Variants in ADAMTS18 observed in about 807,000 individuals in gnomAD.
ADAMTS18 encodes the protein ADAM metallopeptidase with thrombospondin type 1 motif 18.
ADAMTS18 carries 157 observed loss-of-function variants against 165.9 expected under a neutral mutation model. The observed-to-expected ratio is 0.95, with a 90% CI of 0.83 to 1.08. The LOEUF is 1.08. ADAMTS18 is among the 50% of genes least tolerant of loss of function. The pLI is 0.00. For missense variants in ADAMTS18, 2,040 were observed against 1,534.0 expected (o/e 1.33, Z -5.51); for synonymous variants, 782 against 578.2 (o/e 1.35, Z -5.06).
intron 12 of ADAMTS18, among the ~76,000 whole-genome samples, chr16:77,332,385 A>G (rs2056203367): frequency 6.6e-6 from 1 of 152,080 alleles, no homozygotes. Context: ...TGAGCTTGGG[A>G]TGAGGATGAT....
chr16:77,422,289 T>C (rs918595736), intron 3 of ADAMTS18, among the ~76,000 whole-genome samples: 2 of 151,848 alleles, frequency 1.3e-5, no homozygotes, highest in Admixed American at 1.3e-4. Flanking sequence ...TTATATAGGG[T>C]CCACCTGTGG....
Position 77,310,207 on chromosome 16 carries a change from G to T in ADAMTS18, c.2532+9642C>A, listed in dbSNP as rs921668618. Among the ~76,000 whole-genome samples the T allele has an allele frequency of 1.3e-5, 2 of 152,144 alleles. 1 individual carries two copies. The highest frequency in any genetic ancestry group is 2.9e-5 in the Non-Finnish European group (2 of 68,040). On this transcript the variant is annotated intron_variant, in intron 16 of 22. Coordinates refer to ENST00000282849, the MANE Select transcript of ADAMTS18 (RefSeq NM_199355.4). The stretch of plus-strand genomic sequence containing the variant: ...TTTCAATTTGAAAGAAGATTGCAAC[G>T]AATGAATTTTATCATTGGATGTTGT...
In ADAMTS18 at chr16:77,364,369, G is replaced by A. The variant is rs768889644; in HGVS notation, c.791C>T (p.Pro264Leu). ...CGRRKKYAPK[P>L]PTEDTYLRFD... ...CCTTAGATAGGTGTCCTCTGTGGGA[G>A]GCTTGGGAGCATCTACGATGAACAG... Residue 264 changes from proline (P) to leucine (L), a missense_variant, in exon 5 of 23, where the codon CCT becomes CTT. Physicochemically the swap from Pro to Leu is moderately conservative, Grantham distance 98 (BLOSUM62 -3). Transcript: ENST00000282849. 3.8e-5 allele frequency: 62 copies of A among 1,613,572 alleles called. No individual in the cohort carries two copies. The South Asian group carries it at 4.9e-4, about 13-fold the overall frequency.
chr16:77,326,070 G>A (rs770937194), intron 12 of ADAMTS18, 32 bp from the exon 13 acceptor site: 6 of 1,596,622 alleles, frequency 3.8e-6, no homozygotes, highest in Non-Finnish European at 4.3e-6. Flanking sequence ...TTTAATGTTA[G>A]TAATCAAAGG....
intron 3 of ADAMTS18, among the ~76,000 whole-genome samples, chr16:77,383,741 C>A (rs1022468329): frequency 6.6e-6 from 1 of 152,116 alleles, no homozygotes; most frequent in Admixed American, 6.5e-5. Context: ...TGGGGTTTCA[C>A]CATCTTGGTC....
intron 16 of ADAMTS18, among the ~76,000 whole-genome samples, chr16:77,313,295 C>G (rs920567445): frequency 1.1e-4 from 17 of 150,704 alleles, no homozygotes; most frequent in African/African-American, 3.9e-4. Context: ...GGCCTGTCGT[C>G]GGGTGGGGGC....
intron 3 of ADAMTS18, among the ~76,000 whole-genome samples, chr16:77,426,657 C>G (rs1483923320): frequency 1.3e-5 from 2 of 152,206 alleles, no homozygotes; most frequent in South Asian, 2.1e-4. Flanking sequence ...TAACATGCAT[C>G]TTGTTGGTAA....
rs1259966627 is a variant in ADAMTS18, at chr16:77,319,359, T to C, written c.2532+490A>G. 5.9e-5 allele frequency among the ~76,000 whole-genome samples: 9 copies of C among 152,192 alleles called. No homozygotes were observed. In the East Asian group the frequency reaches 1.7e-3, roughly 29 times the overall value. On this transcript the variant is annotated intron_variant, in intron 16 of 22. Coordinates refer to ENST00000282849, the MANE Select transcript of ADAMTS18 (RefSeq NM_199355.4). ...AATCAACCCATTCTCTTGGAGGCCA[T>C]TTGGGTTCCTGTCCTCTTCCCCCAA...
chr16:77,340,693 C>T (rs1567497175), intron 11 of ADAMTS18, among the ~76,000 whole-genome samples: 2 of 152,180 alleles, frequency 1.3e-5, no homozygotes, highest in Middle Eastern at 3.4e-3. Flanking sequence ...CGATCCTCCT[C>T]CTTCAACCTC....
intron 12 of ADAMTS18, among the ~76,000 whole-genome samples, chr16:77,331,392 AC>A (rs1358016102): frequency 1.3e-5 from 2 of 152,196 alleles, no homozygotes; most frequent in Non-Finnish European, 2.9e-5. Context: ...GATGATTTTA[AC>A]AACTCAACTT....
At chr16:77,359,474 A>G (rs950859193) in intron 7 of ADAMTS18, 51 bp from the exon 8 acceptor site, 1 of 1,463,826 alleles carries the variant, frequency 6.8e-7, no homozygotes, top group Admixed American at 1.8e-5. Flanking sequence ...ACACACAGAT[A>G]CATGATGATG....
intron 16 of ADAMTS18, among the ~76,000 whole-genome samples, chr16:77,303,616 T>C (rs1158930617): frequency 1.6e-5 from 2 of 128,664 alleles, no homozygotes; most frequent in African/African-American, 3.1e-5. Flanking sequence ...TCTTGTGACC[T>C]CCACGGTCAA....
At chr16:77,338,053 G>C (rs998314502) in intron 11 of ADAMTS18, among the ~76,000 whole-genome samples, 6 of 151,816 alleles carry the variant, frequency 4.0e-5, no homozygotes, top group Non-Finnish European at 7.4e-5. Flanking sequence ...ATAGGCGCCT[G>C]CCACTACACC....
chr16:77,418,162 C>T (rs1459154615), intron 3 of ADAMTS18, among the ~76,000 whole-genome samples: 1 of 152,164 alleles, frequency 6.6e-6, no homozygotes, highest in Admixed American at 6.5e-5. Context: ...GATGGGTTTT[C>T]TGCTGCCATC....
Position 77,431,475 on chromosome 16 carries a change from T to C in ADAMTS18, c.315A>G (p.Gly105=). The part of the protein sequence containing the change: ...SSLHYRFSAF[G]QELHLELKPS... The stretch of plus-strand genomic sequence containing the variant: ...GCTTAAGTTCTAAGTGCAGTTCCTG[T>C]CCAAATGCTGAAAATCGGTAGTGCA... The change falls in exon 3 of 23, where the codon GGA becomes GGG. Residue 105 remains glycine, a synonymous_variant. Coordinates refer to ENST00000282849, the MANE Select transcript of ADAMTS18 (RefSeq NM_199355.4). 1 of 1,614,212 alleles carries C rather than the reference T, an allele frequency of 6.2e-7. No homozygotes were observed. Among genetic ancestry groups the C allele is most frequent in the Non-Finnish European group, 8.5e-7 (1 of 1,180,036 alleles).
At chr16:77,416,880 T>A (rs1445340870) in intron 3 of ADAMTS18, among the ~76,000 whole-genome samples, 1 of 152,078 alleles carries the variant, frequency 6.6e-6, no homozygotes. Context: ...TTTAGAACAG[T>A]GATGGCAGCA....
intron 16 of ADAMTS18, among the ~76,000 whole-genome samples, chr16:77,303,816 G>C (rs556241514): frequency 6.6e-6 from 1 of 152,178 alleles, no homozygotes. Flanking sequence ...GGTGGATCAC[G>C]AGGTTAGGAG....
In ADAMTS18 at chr16:77,300,360, T is replaced by C. The variant is rs535095697; in HGVS notation, c.2577A>G (p.Ala859=). ...GAGTTCCATTCATGACCTTGGGAAG[T>C]GCATACTTCCAAGCTATCCCTGGAT... ...GKNPGIAWKY[A]LPKVMNGTPP... is the part of the protein sequence containing the mutation. The change falls in exon 17 of 23, where the codon GCA becomes GCG. Residue 859 remains alanine (A), a synonymous_variant. Coordinates refer to ENST00000282849, the MANE Select transcript of ADAMTS18 (RefSeq NM_199355.4). 3.1e-6 allele frequency: 5 copies of C among 1,614,066 alleles called. No homozygotes were observed. The South Asian group carries it at 3.3e-5, about 11-fold the overall frequency.
chr16:77,427,896 T>C (rs1448642430), intron 3 of ADAMTS18, among the ~76,000 whole-genome samples: 1 of 152,234 alleles, frequency 6.6e-6, no homozygotes, highest in East Asian at 1.9e-4. Context: ...GGAGTATGTA[T>C]GCACGCATGT....
Sources: gnomAD v4.1 joint callset for allele counts (sites outside exome capture counted in the v4.1 genomes callset) on GRCh38, gnomAD v4.1.1 for gene constraint, MANE v1.5 for transcripts, NCBI Gene and HGNC (gene_info 2026-07-23, HGNC 2026-07-21) for gene names.